The following CHL1 variants were observed in gnomAD, a reference collection of about 807,000 sequenced individuals.
CHL1 encodes neural cell adhesion molecule L1-like protein.
In CHL1, 96 loss-of-function variants were observed where a neutral mutation model predicts 141.9. The observed-to-expected ratio is 0.68, with a 90% CI of 0.57 to 0.80. CHL1 has a LOEUF of 0.80. Among genes scored for constraint, CHL1 ranks in the 30% least tolerant of loss-of-function variants. The pLI is 0.00. For synonymous variants in CHL1, 613 were observed against 502.2 expected (o/e 1.22, Z -2.95); for missense variants, 1,820 against 1,457.2 (o/e 1.25, Z -4.05).
At chr3:338,269 A>G (rs995680584) in intron 5 of CHL1, among the ~76,000 whole-genome samples, 18 of 152,306 alleles carry the variant, frequency 1.2e-4, no homozygotes, top group African/African-American at 3.9e-4. Context: ...TTGATGAAGT[A>G]CCCATGTGAA....
intron 5 of CHL1, among the ~76,000 whole-genome samples, chr3:333,229 C>G (rs1423042347): frequency 2.7e-5 from 4 of 146,546 alleles, no homozygotes; most frequent in African/African-American, 1.0e-4. Flanking sequence ...CATCATCTGA[C>G]AGCTTTCTGC....
chr3:337,180 C>CTTTTTTTTTTTTTTTTTTTT (rs1490013935), intron 5 of CHL1, among the ~76,000 whole-genome samples: 2 of 113,288 alleles, frequency 1.8e-5, no homozygotes. Flanking sequence ...TCCAAACATT[C>CTTTTTTTTTTTTTTTTTTTT]TTTTGTTTTT....
At chr3:232,594 T>C (rs879625957) in intron 1 of CHL1, among the ~76,000 whole-genome samples, 3 of 152,184 alleles carry the variant, frequency 2.0e-5, no homozygotes, top group Non-Finnish European at 2.9e-5. Flanking sequence ...TAGATGTTCG[T>C]ACTTAGATAT....
intron 2 of CHL1, among the ~76,000 whole-genome samples, chr3:272,036 A>G (rs1695676844): frequency 6.6e-6 from 1 of 152,258 alleles, no homozygotes; most frequent in South Asian, 2.1e-4. Context: ...ATGATTTAAT[A>G]GAATTGGGAA....
chr3:290,937 A>G (rs575909820), intron 2 of CHL1, among the ~76,000 whole-genome samples: 1 of 104,432 alleles, frequency 9.6e-6, no homozygotes, highest in Non-Finnish European at 1.8e-5. Context: ...CTCTGTCTCA[A>G]AAAAAAAAAA....
chr3:242,411 A>G (rs554829955), intron 1 of CHL1, among the ~76,000 whole-genome samples: 41 of 140,062 alleles, frequency 2.9e-4, no homozygotes, highest in Non-Finnish European at 4.2e-4. Flanking sequence ...CCTGGCTAAC[A>G]CGGTGAAACC....
chr3:323,941 G>A (rs1046090772), intron 3 of CHL1, among the ~76,000 whole-genome samples: 1 of 151,912 alleles, frequency 6.6e-6, no homozygotes. Flanking sequence ...ATATTTAAAG[G>A]TTTTCATAAA....
chr3:281,089 C>A (rs1197394270), intron 2 of CHL1, among the ~76,000 whole-genome samples: 2 of 152,122 alleles, frequency 1.3e-5, no homozygotes, highest in Admixed American at 1.3e-4. Context: ...TTACTGGTTT[C>A]TCAAGGGTAG....
At chr3:401,140 G>A (rs978926082) in intron 26 of CHL1, among the ~76,000 whole-genome samples, 2 of 152,038 alleles carry the variant, frequency 1.3e-5, no homozygotes, top group Non-Finnish European at 2.9e-5. Flanking sequence ...GATATAAAGT[G>A]TTCTGCCCAC....
In CHL1 at chr3:258,621, C is replaced by T. The variant is rs35024995; in HGVS notation, c.-95+13929C>T. Among the ~76,000 whole-genome samples, 1,118 of 152,330 alleles carry T rather than the reference C, an allele frequency of 7.3e-3. 13 individuals are homozygous for T. Among genetic ancestry groups the T allele is most frequent in the Non-Finnish European group, 0.012 (815 of 68,036 alleles). On this transcript the variant is annotated intron_variant, in intron 2 of 27. Coordinates refer to ENST00000256509, the MANE Select transcript of CHL1 (RefSeq NM_006614.4). Reference sequence around the variant, plus strand: ...AACATTTCCAGCTCCTTCAACTTTTCCGTCCATGAGATAATGTCAGTCCCT... The same window carrying T: ...AACATTTCCAGCTCCTTCAACTTTTTCGTCCATGAGATAATGTCAGTCCCT...
intron 14 of CHL1, among the ~76,000 whole-genome samples, chr3:364,507 G>A (rs1704623769): frequency 1.3e-5 from 2 of 152,152 alleles, no homozygotes; most frequent in Non-Finnish European, 2.9e-5. Context: ...TACAGTGCTT[G>A]GCCCAAAATG....
chr3:202,185 T>C (rs1420785656), intron 1 of CHL1, among the ~76,000 whole-genome samples: 1 of 152,212 alleles, frequency 6.6e-6, no homozygotes, highest in African/African-American at 2.4e-5. Context: ...ACATGTCACA[T>C]GTGTTCTTGT....
At chr3:199,056 T>G (rs1698682069) in intron 1 of CHL1, among the ~76,000 whole-genome samples, 1 of 152,232 alleles carries the variant, frequency 6.6e-6, no homozygotes, top group Non-Finnish European at 1.5e-5. Context: ...GTTGGGTTTG[T>G]CTTAATTTCA....
intron 2 of CHL1, among the ~76,000 whole-genome samples, chr3:311,696 A>G (rs539182147): frequency 2.0e-5 from 3 of 152,304 alleles, no homozygotes; most frequent in Middle Eastern, 3.4e-3. Flanking sequence ...GAATGTTTTT[A>G]GTGACTGAAA....
rs1708846236 is a variant in CHL1, at chr3:398,338, G to T, written c.3206G>T (p.Gly1069Val). 1.2e-6 allele frequency: 2 copies of T among 1,607,324 alleles called. No individual in the cohort carries two copies. Among genetic ancestry groups the T allele is most frequent in the East Asian group, 2.2e-5 (1 of 44,812 alleles). The change falls in exon 25 of 28, where the codon GGC becomes GTC. Residue 1069 changes from glycine (G) to valine (V), a missense_variant. Physicochemically the swap from Gly to Val is moderately radical, Grantham distance 109. Transcript: ENST00000256509. ...GTTCGCCTAATGACTAAGAATTGGGGCGATAATGATAGCATTTTTCAAGAT... is the reference window on the plus strand; with the variant it reads ...GTTCGCCTAATGACTAAGAATTGGGTCGATAATGATAGCATTTTTCAAGAT... ...HIVRLMTKNW[G>V]DNDSIFQDVI...
chr3:228,310 G>C (rs1302610926), intron 1 of CHL1, among the ~76,000 whole-genome samples: 1 of 152,168 alleles, frequency 6.6e-6, no homozygotes, highest in East Asian at 1.9e-4. Context: ...CTAAGAGGTA[G>C]AAAAACGTCA....
At chr3:360,254 A>C in intron 11 of CHL1, 30 bp from the exon 12 acceptor site, 2 of 1,611,632 alleles carry the variant, frequency 1.2e-6, no homozygotes, top group Non-Finnish European at 1.7e-6. Flanking sequence ...CCTGTTCCTT[A>C]TCAAACTGAC....
chr3:324,282 G>C (rs924799600), intron 3 of CHL1, among the ~76,000 whole-genome samples: 1 of 152,022 alleles, frequency 6.6e-6, no homozygotes, highest in Non-Finnish European at 1.5e-5. Context: ...TTTAAGTTAG[G>C]CTCTGTGCCT....
chr3:295,641 A>G (rs1480251094), intron 2 of CHL1, among the ~76,000 whole-genome samples: 2 of 152,306 alleles, frequency 1.3e-5, no homozygotes, highest in East Asian at 3.9e-4. Flanking sequence ...GCACCACTCT[A>G]AAACAGTGAA....
Sources: gnomAD v4.1 joint callset for allele counts (sites outside exome capture counted in the v4.1 genomes callset) on GRCh38, gnomAD v4.1.1 for gene constraint, MANE v1.5 for transcripts, NCBI Gene and HGNC (gene_info 2026-07-23, HGNC 2026-07-21) for gene names.